The following PDGFC variants were observed in gnomAD, a reference collection of about 807,000 sequenced individuals.
The protein encoded by PDGFC is platelet derived growth factor C.
Under a neutral mutation model 35.5 loss-of-function variants are expected in PDGFC, and 12 were observed. That is an observed-to-expected ratio of 0.34 (90% CI 0.22 to 0.55). The LOEUF is 0.55. PDGFC is among the 20% of genes least tolerant of loss of function. The pLI is 0.91. For synonymous variants in PDGFC, 159 were observed against 148.8 expected, an observed-to-expected ratio of 1.07 and a Z score of -0.50; for missense variants, 322 against 412.4, an observed-to-expected ratio of 0.78 and a Z score of 1.90.
At chr4:156,897,656 AATATCT>A (rs1730667828) in intron 1 of PDGFC, among the ~76,000 whole-genome samples, 1 of 152,208 alleles carries the variant, frequency 6.6e-6, no homozygotes, top group Non-Finnish European at 1.5e-5. Context: ...GTTTGTAATC[AATATCT>A]ACATTAACAG....
At position 156,802,335 on chromosome 4, in the gene PDGFC, T is replaced by C. The variant is rs142983832; in HGVS notation, c.495+8502A>G. Among the ~76,000 whole-genome samples the C allele has an allele frequency of 6.2e-3, 948 of 152,216 alleles. 4 individuals are homozygous for C. The highest frequency in any genetic ancestry group is 0.016 in the African/African-American group (654 of 41,536). On this transcript the variant is annotated intron_variant, in intron 3 of 5. Coordinates refer to ENST00000502773, the MANE Select transcript of PDGFC (RefSeq NM_016205.3). ...TAAAAAGGAGTTGGATGTGTCGTCA[T>C]TGGATTGGTGGGCTTTGCAAAATTT...
At chr4:156,883,464 A>T (rs1250559965) in intron 1 of PDGFC, among the ~76,000 whole-genome samples, 3 of 152,166 alleles carry the variant, frequency 2.0e-5, no homozygotes, top group Non-Finnish European at 4.4e-5. Flanking sequence ...TACTTACTTT[A>T]CCCCAAGAAT....
Position 156,785,472 on chromosome 4 carries a change from C to T in PDGFC, c.496-12579G>A, listed in dbSNP as rs545702526. On this transcript the variant is annotated intron_variant, in intron 3 of 5. Transcript: ENST00000502773. ...CAGGTGATCTGCCAGCCTCAGCCTC[C>T]CAAAGTGCTGGGATTACGGATGTGA... Among the ~76,000 whole-genome samples the T allele has an allele frequency of 2.9e-4, 44 of 152,210 alleles. No individual in the cohort carries two copies. In the South Asian group the frequency reaches 5.6e-3, roughly 19 times the overall value.
chr4:156,939,331 T>C (rs1239823478), intron 1 of PDGFC, among the ~76,000 whole-genome samples: 1 of 152,066 alleles, frequency 6.6e-6, no homozygotes, highest in African/African-American at 2.4e-5. Context: ...ACAATGTGAA[T>C]TCACTAGAAA....
At chr4:156,837,819 T>G (rs750915881) in intron 2 of PDGFC, among the ~76,000 whole-genome samples, 1 of 151,998 alleles carries the variant, frequency 6.6e-6, no homozygotes, top group South Asian at 2.1e-4. Context: ...AGACAGGAGG[T>G]TGGGAGTTAC....
At chr4:156,883,305 T>C (rs1226070028) in intron 1 of PDGFC, among the ~76,000 whole-genome samples, 3 of 152,176 alleles carry the variant, frequency 2.0e-5, no homozygotes, top group African/African-American at 7.2e-5. Flanking sequence ...ATATGAAACA[T>C]ATTTGATTAT....
At chr4:156,854,838 A>T (rs1729536478) in intron 1 of PDGFC, among the ~76,000 whole-genome samples, 2 of 152,162 alleles carry the variant, frequency 1.3e-5, no homozygotes, top group Admixed American at 6.5e-5. Flanking sequence ...TTTATAGTCA[A>T]ATCACTAAAA....
intron 2 of PDGFC, among the ~76,000 whole-genome samples, chr4:156,831,611 T>G (rs755519381): frequency 6.6e-6 from 1 of 151,810 alleles, no homozygotes; most frequent in Non-Finnish European, 1.5e-5. Flanking sequence ...GCCCAGCTAA[T>G]TTTTGTATTT....
intron 1 of PDGFC, among the ~76,000 whole-genome samples, chr4:156,949,238 T>C (rs1732021360): frequency 1.3e-5 from 2 of 151,942 alleles, no homozygotes; most frequent in African/African-American, 2.4e-5. Context: ...GTGTATAATA[T>C]AGAAATGAGC....
At chr4:156,868,491 T>C (rs1000692106) in intron 1 of PDGFC, among the ~76,000 whole-genome samples, 1 of 152,146 alleles carries the variant, frequency 6.6e-6, no homozygotes, top group Non-Finnish European at 1.5e-5. Flanking sequence ...ATCAACCTAG[T>C]GATGCTTTAC....
At chr4:156,943,785 C>CTCTTAAGTGAGCACAAATTA (rs1731871871) in intron 1 of PDGFC, among the ~76,000 whole-genome samples, 2 of 152,066 alleles carry the variant, frequency 1.3e-5, no homozygotes, top group East Asian at 3.9e-4. Context: ...ATTAAGTGCT[C>CTCTTAAGTGAGCACAAATTA]AGAAGGGTTA....
intron 2 of PDGFC, among the ~76,000 whole-genome samples, chr4:156,836,194 T>C (rs1350736639): frequency 6.6e-6 from 1 of 152,146 alleles, no homozygotes; most frequent in Non-Finnish European, 1.5e-5. Flanking sequence ...TTTGCATGAA[T>C]ATTGGTGAAT....
chr4:156,905,108 C>T, intron 1 of PDGFC, among the ~76,000 whole-genome samples: 1 of 151,900 alleles, frequency 6.6e-6, no homozygotes, highest in East Asian at 1.9e-4. Flanking sequence ...AAGGGAAATA[C>T]AAAAATGATC....
At chr4:156,850,454 T>G in intron 1 of PDGFC, 38 bp from the exon 2 acceptor site, 1 of 1,244,454 alleles carries the variant, frequency 8.0e-7, no homozygotes, top group African/African-American at 1.5e-5. Context: ...TACATTTAGA[T>G]TTCAAAAATT....
intron 3 of PDGFC, among the ~76,000 whole-genome samples, chr4:156,808,721 G>T (rs377144734): frequency 2.6e-5 from 4 of 151,924 alleles, no homozygotes; most frequent in South Asian, 4.1e-4. Flanking sequence ...ATTCTGCAAG[G>T]CTTAACAGCA....
intron 1 of PDGFC, among the ~76,000 whole-genome samples, chr4:156,920,055 A>C (rs2110836513): frequency 6.6e-6 from 1 of 152,126 alleles, no homozygotes; most frequent in South Asian, 2.1e-4. Context: ...TCCCCATGTG[A>C]CATGCCTGCT....
chr4:156,831,784 T>C (rs1345789585), intron 2 of PDGFC, among the ~76,000 whole-genome samples: 2 of 152,120 alleles, frequency 1.3e-5, no homozygotes, highest in Non-Finnish European at 2.9e-5. Context: ...TAACTGGCTT[T>C]TTAAAAACAA....
chr4:156,795,917 C>A (rs1301914664), intron 3 of PDGFC, among the ~76,000 whole-genome samples: 1 of 152,132 alleles, frequency 6.6e-6, no homozygotes, highest in African/African-American at 2.4e-5. Flanking sequence ...CTCTTAGTAT[C>A]CTAAAACTTC....
At chr4:156,885,555 CT>C (rs202181564) in intron 1 of PDGFC, among the ~76,000 whole-genome samples, 5 of 150,988 alleles carry the variant, frequency 3.3e-5, no homozygotes, top group Admixed American at 1.3e-4. Flanking sequence ...TTAGAGTATG[CT>C]TTTTTTTTGT....
Sources: gnomAD v4.1 joint callset for allele counts (sites outside exome capture counted in the v4.1 genomes callset) on GRCh38, gnomAD v4.1.1 for gene constraint, MANE v1.5 for transcripts, NCBI Gene and HGNC (gene_info 2026-07-23, HGNC 2026-07-21) for gene names.